The following KCNB2 variants were observed in gnomAD, a reference collection of about 807,000 sequenced individuals.
The protein encoded by KCNB2 is delayed rectifier potassium channel protein.
A neutral mutation model predicts 61.5 loss-of-function variants in KCNB2; 15 were observed. That is an observed-to-expected ratio of 0.24 (90% CI 0.16 to 0.38). The LOEUF is 0.38. Among genes scored for constraint, KCNB2 ranks in the 10% least tolerant of loss-of-function variants. KCNB2 has a pLI of 1.00. For missense variants in KCNB2, 828 were observed against 1,125.2 expected (o/e 0.74, Z 3.78); for synonymous variants, 457 against 446.0 (o/e 1.02, Z -0.31).
chr8:72,865,289 C>T (rs1287779343), intron 2 of KCNB2, among the ~76,000 whole-genome samples: 4 of 152,028 alleles, frequency 2.6e-5, no homozygotes, highest in Admixed American at 6.6e-5. Flanking sequence ...GATTCTATTC[C>T]CTCCACCAGG....
chr8:72,914,051 T>G (rs1252581937), intron 2 of KCNB2, among the ~76,000 whole-genome samples: 5 of 152,188 alleles, frequency 3.3e-5, no homozygotes, highest in Admixed American at 3.3e-4. Context: ...CTCACAGTTC[T>G]TGAGGCTAGG....
chr8:72,937,906 G>A lies in KCNB2; in HGVS notation c.2551G>A (p.Val851Met), dbSNP rs149626685. Residue 851 changes from valine (V) to methionine (M), a missense_variant, in exon 3 of 3, where the codon GTG (valine) becomes ATG (methionine). Val to Met is a conservative substitution (Grantham distance 21, BLOSUM62 1). Coordinates refer to ENST00000523207, the MANE Select transcript of KCNB2 (RefSeq NM_004770.3). ...AGACCCTTTAAGAGAAGAGGGCAGT[G>A]TGGGCTCTTCCTCCCCGCAGGACAC... Reference protein sequence around the residue: ...GRDPLREEGSVGSSSPQDTGH... With the variant: ...GRDPLREEGSMGSSSPQDTGH... The A allele has an allele frequency of 1.1e-5, 18 of 1,614,170 alleles. No individual in the cohort carries two copies. In the East Asian group the frequency reaches 2.0e-4, roughly 18 times the overall value.
intron 2 of KCNB2, among the ~76,000 whole-genome samples, chr8:72,685,148 A>G (rs1806829476): frequency 6.6e-6 from 1 of 152,234 alleles, no homozygotes; most frequent in South Asian, 2.1e-4. Flanking sequence ...AACTTCTGAC[A>G]TAAAGCCAAC....
intron 2 of KCNB2, among the ~76,000 whole-genome samples, chr8:72,818,162 C>T (rs1310544978): frequency 6.6e-6 from 1 of 151,968 alleles, no homozygotes; most frequent in Non-Finnish European, 1.5e-5. Context: ...GAAATTTATC[C>T]TCCAACAACA....
chr8:72,539,098 T>A (rs1319150102), intron 1 of KCNB2, among the ~76,000 whole-genome samples: 1 of 152,176 alleles, frequency 6.6e-6, no homozygotes, highest in African/African-American at 2.4e-5. Flanking sequence ...TCAATAAATA[T>A]AAAGTTGTCC....
chr8:72,888,940 T>C (rs1263661964), intron 2 of KCNB2, among the ~76,000 whole-genome samples: 1 of 152,224 alleles, frequency 6.6e-6, no homozygotes. Flanking sequence ...TTATGAAATT[T>C]GGGATTCACA....
At position 72,756,136 on chromosome 8, in the gene KCNB2, G is replaced by A. The variant is rs116581949; in HGVS notation, c.580-179799G>A. Reference sequence around the variant, plus strand: ...TAGTGGGAAGGACTCCTTGGGGTCCGCAGTCAGGAGCAGGCTCTGAAACAC... The same window carrying A: ...TAGTGGGAAGGACTCCTTGGGGTCCACAGTCAGGAGCAGGCTCTGAAACAC... On this transcript the variant is annotated intron_variant, in intron 2 of 2. Transcript: ENST00000523207. 3.7e-3 allele frequency among the ~76,000 whole-genome samples: 567 copies of A among 152,260 alleles called. 5 individuals carry two copies. The highest frequency in any genetic ancestry group is 0.013 in the African/African-American group (546 of 41,560).
chr8:72,633,475 A>G (rs528886430), intron 2 of KCNB2, among the ~76,000 whole-genome samples: 1 of 152,214 alleles, frequency 6.6e-6, no homozygotes, highest in Admixed American at 6.5e-5. Flanking sequence ...GTAACTTCAC[A>G]TATTCAGATT....
intron 2 of KCNB2, among the ~76,000 whole-genome samples, chr8:72,776,269 G>T (rs998827711): frequency 6.7e-6 from 1 of 150,266 alleles, no homozygotes; most frequent in Admixed American, 6.6e-5. Context: ...GGGGAGGGAG[G>T]AGGGATAGCA....
At chr8:72,668,214 G>T (rs1283658421) in intron 2 of KCNB2, among the ~76,000 whole-genome samples, 2 of 152,168 alleles carry the variant, frequency 1.3e-5, no homozygotes, top group Non-Finnish European at 2.9e-5. Context: ...CAGGGAAGCT[G>T]CCCTGAGCCT....
chr8:72,685,024 T>C (rs571112181), intron 2 of KCNB2, among the ~76,000 whole-genome samples: 1 of 152,170 alleles, frequency 6.6e-6, no homozygotes, highest in Non-Finnish European at 1.5e-5. Context: ...ATAATTTCAC[T>C]AAGGCAAGGA....
At chr8:72,724,497 C>T (rs1433048010) in intron 2 of KCNB2, among the ~76,000 whole-genome samples, 2 of 152,142 alleles carry the variant, frequency 1.3e-5, no homozygotes, top group Non-Finnish European at 2.9e-5. Context: ...TTAAGACAAA[C>T]AGCTGCACCT....
At chr8:72,728,499 AC>A (rs1240223968) in intron 2 of KCNB2, among the ~76,000 whole-genome samples, 1 of 152,160 alleles carries the variant, frequency 6.6e-6, no homozygotes, top group Admixed American at 6.6e-5. Context: ...ACCAATGAAC[AC>A]CTACATGTAT....
intron 2 of KCNB2, among the ~76,000 whole-genome samples, chr8:72,837,756 G>A (rs1809805376): frequency 6.6e-6 from 1 of 152,002 alleles, no homozygotes; most frequent in South Asian, 2.1e-4. Context: ...CCACAGCAAC[G>A]GGAAATGTTA....
At chr8:72,840,335 A>G (rs1017575894) in intron 2 of KCNB2, among the ~76,000 whole-genome samples, 2 of 152,126 alleles carry the variant, frequency 1.3e-5, no homozygotes, top group Admixed American at 1.3e-4. Context: ...ATTGGTTCCA[A>G]GTCTTTGCTA....
intron 2 of KCNB2, among the ~76,000 whole-genome samples, chr8:72,825,059 CT>C (rs1809574090): frequency 6.6e-6 from 1 of 152,190 alleles, no homozygotes; most frequent in Non-Finnish European, 1.5e-5. Flanking sequence ...CGTCTTTCCT[CT>C]CTCTTCTCCC....
At chr8:72,917,942 T>C (rs1336644526) in intron 2 of KCNB2, among the ~76,000 whole-genome samples, 3 of 151,956 alleles carry the variant, frequency 2.0e-5, no homozygotes, top group Non-Finnish European at 4.4e-5. Flanking sequence ...CCCAAAGAGG[T>C]GTGAAAGGTG....
At chr8:72,748,213 T>C (rs2128995324) in intron 2 of KCNB2, among the ~76,000 whole-genome samples, 1 of 152,336 alleles carries the variant, frequency 6.6e-6, no homozygotes, top group East Asian at 1.9e-4. Context: ...ACATCCTTCA[T>C]GTTAATTTCC....
chr8:72,678,665 G>A (rs754596144), intron 2 of KCNB2, among the ~76,000 whole-genome samples: 1 of 152,030 alleles, frequency 6.6e-6, no homozygotes, highest in East Asian at 1.9e-4. Flanking sequence ...GCCTTATTTT[G>A]TTCAAAACAA....
Sources: allele counts gnomAD v4.1 joint callset (sites outside exome capture counted in the v4.1 genomes callset), GRCh38; gene constraint gnomAD v4.1.1; transcripts MANE v1.5; gene names NCBI Gene and HGNC (gene_info 2026-07-23, HGNC 2026-07-21).